The following ADCY8 variants were observed in gnomAD, a reference collection of about 807,000 sequenced individuals.
The protein encoded by ADCY8 is adenylate cyclase type 8.
In ADCY8, 51 loss-of-function variants were observed where a neutral mutation model predicts 119.7. The ratio of observed to expected loss-of-function variants is 0.43; its 90% CI spans 0.34 to 0.54. The LOEUF (loss-of-function observed/expected upper bound fraction) is 0.54, where lower values mean the gene tolerates loss of function less well. ADCY8 is among the 20% of genes least tolerant of loss of function. The pLI, the probability that ADCY8 is intolerant of heterozygous loss-of-function variation, is 0.03. For missense variants in ADCY8, 1,383 were observed against 1,598.8 expected (o/e 0.87, Z 2.30); for synonymous variants, 665 against 651.0 (o/e 1.02, Z -0.33).
chr8:130,930,283 G>A (rs1252148602), intron 5 of ADCY8, among the ~76,000 whole-genome samples: 20 of 148,496 alleles, frequency 1.3e-4, no homozygotes, highest in African/African-American at 3.7e-4. Flanking sequence ...ATGGAGTCTC[G>A]TTCTGTCACC....
At chr8:130,783,154 A>T (rs1284635553) in intron 17 of ADCY8, among the ~76,000 whole-genome samples, 2 of 152,228 alleles carry the variant, frequency 1.3e-5, no homozygotes, top group Non-Finnish European at 2.9e-5. Context: ...GATTGCAGTG[A>T]TTAATGTTAC....
chr8:130,786,042 G>C (rs1025381265), intron 15 of ADCY8, among the ~76,000 whole-genome samples: 1 of 152,194 alleles, frequency 6.6e-6, no homozygotes, highest in African/African-American at 2.4e-5. Context: ...CATCTTTGCA[G>C]TGCAGTCTTC....
chr8:130,954,457 G>T (rs1821364777), intron 2 of ADCY8, among the ~76,000 whole-genome samples: 1 of 152,124 alleles, frequency 6.6e-6, no homozygotes, highest in Non-Finnish European at 1.5e-5. Context: ...ATGTTTTGAA[G>T]GTTCATAAAA....
chr8:130,865,890 A>G (rs1818101745), intron 9 of ADCY8, among the ~76,000 whole-genome samples: 1 of 152,114 alleles, frequency 6.6e-6, no homozygotes, highest in Non-Finnish European at 1.5e-5. Flanking sequence ...CCAGCTCTTC[A>G]TGCCTTTCAA....
intron 7 of ADCY8, among the ~76,000 whole-genome samples, chr8:130,891,402 G>C (rs994033030): frequency 6.6e-6 from 1 of 152,114 alleles, no homozygotes; most frequent in African/African-American, 2.4e-5. Flanking sequence ...ACTTTAAAAA[G>C]AGTCATTTTG....
chr8:130,971,659 C>T (rs1390350572), intron 2 of ADCY8, among the ~76,000 whole-genome samples: 5 of 152,112 alleles, frequency 3.3e-5, no homozygotes, highest in South Asian at 2.1e-4. Flanking sequence ...CAGTGCAAGC[C>T]CAATTAAGGA....
At chr8:131,022,134 A>G (rs1172013653) in intron 1 of ADCY8, among the ~76,000 whole-genome samples, 40 of 151,802 alleles carry the variant, frequency 2.6e-4, no homozygotes, top group Admixed American at 2.6e-3. Context: ...TTTTTTTATT[A>G]TTATTATACT....
At chr8:130,890,190 G>C (rs941910011) in intron 7 of ADCY8, among the ~76,000 whole-genome samples, 2 of 148,246 alleles carry the variant, frequency 1.3e-5, no homozygotes, top group South Asian at 4.4e-4. Context: ...ATCACACACC[G>C]GGGCCTGTTG....
At chr8:130,963,961 C>A (rs1413102696) in intron 2 of ADCY8, among the ~76,000 whole-genome samples, 1 of 152,038 alleles carries the variant, frequency 6.6e-6, no homozygotes, top group Non-Finnish European at 1.5e-5. Context: ...GGCTTTCCAC[C>A]CCAATGTTTT....
At chr8:130,926,413 T>C (rs952275633) in intron 5 of ADCY8, among the ~76,000 whole-genome samples, 6 of 152,222 alleles carry the variant, frequency 3.9e-5, no homozygotes, top group Non-Finnish European at 8.8e-5. Context: ...CTCGTACTTT[T>C]GATTGACTTG....
intron 9 of ADCY8, among the ~76,000 whole-genome samples, chr8:130,861,024 G>A (rs879625358): frequency 1.1e-4 from 16 of 152,160 alleles, no homozygotes; most frequent in South Asian, 4.1e-4. Flanking sequence ...GATTATATTT[G>A]TGTGGGTGTA....
Position 130,990,516 on chromosome 8 carries a change from C to T in ADCY8, c.987G>A (p.Met329Ile), listed in dbSNP as rs934942476. 1.9e-6 allele frequency: 3 copies of T among 1,614,040 alleles called. No homozygotes were observed. Among genetic ancestry groups the T allele is most frequent in the Non-Finnish European group, 2.5e-6 (3 of 1,180,000 alleles). ...TGAAGATTCCAGCTGTGTTCATACACATGAATAGCACTGCCTGGGCCACAA... is the reference window on the plus strand; with the variant it reads ...TGAAGATTCCAGCTGTGTTCATACATATGAATAGCACTGCCTGGGCCACAA... Reference protein sequence around the residue: ...NQVVAQAVLFMCMNTAGIFIS... With the variant: ...NQVVAQAVLFICMNTAGIFIS... The change falls in exon 2 of 18, where the codon ATG becomes ATA. Residue 329 changes from methionine to isoleucine, a missense_variant. By Grantham distance (10) the Met-to-Ile change is conservative. Coordinates refer to ENST00000286355, the MANE Select transcript of ADCY8 (RefSeq NM_001115.3).
chr8:130,932,444 C>T (rs1820659479), intron 5 of ADCY8, among the ~76,000 whole-genome samples: 1 of 152,046 alleles, frequency 6.6e-6, no homozygotes. Context: ...TGTGGCAGGC[C>T]CAGTGTTGGG....
chr8:130,822,535 A>AATCCATCCATCC (rs145398330), intron 12 of ADCY8, among the ~76,000 whole-genome samples: 8 of 139,760 alleles, frequency 5.7e-5, no homozygotes, highest in East Asian at 2.2e-4. Context: ...TGAATCCATG[A>AATCCATCCATCC]ATCCATCCAT....
chr8:130,998,522 G>A (rs1396271792), intron 1 of ADCY8, among the ~76,000 whole-genome samples: 2 of 152,132 alleles, frequency 1.3e-5, no homozygotes, highest in African/African-American at 2.4e-5. Flanking sequence ...ACCATGGAGG[G>A]TCTTGAAGCT....
At chr8:130,954,284 T>C (rs1356496853) in intron 2 of ADCY8, among the ~76,000 whole-genome samples, 1 of 152,150 alleles carries the variant, frequency 6.6e-6, no homozygotes, top group African/African-American at 2.4e-5. Context: ...ATGCAGCACA[T>C]ATAATGATCC....
chr8:131,032,867 G>A (rs1050866030), intron 1 of ADCY8, among the ~76,000 whole-genome samples: 1 of 152,086 alleles, frequency 6.6e-6, no homozygotes, highest in Admixed American at 6.6e-5. Context: ...AGCATTCCTC[G>A]ACTAAGTCCC....
Position 130,821,395 on chromosome 8 carries a change from A to T in ADCY8, c.2701T>A (p.Ser901Thr), listed in dbSNP as rs753297735. 1 of 1,613,436 alleles carries T rather than the reference A, an allele frequency of 6.2e-7. No individual in the cohort carries two copies. ...AGGAACATGGCCATCAGTAGCAGTG[A>T]TACCTCCTTGGTCCCCAGGAAATCT... The part of the protein sequence containing the change: ...GEDFLGTKEV[S>T]LLLMAMFLLA... The change falls in exon 13 of 18, where the codon TCA (serine) becomes ACA (threonine). Residue 901 changes from serine (S) to threonine (T), a missense_variant. Physicochemically the swap from Ser to Thr is moderately conservative, Grantham distance 58. Around this residue, in one of 2 missense-constraint regions of ADCY8, gnomAD observed 928 missense variants for 1,163.5 expected, o/e 0.80. Coordinates refer to ENST00000286355, the MANE Select transcript of ADCY8 (RefSeq NM_001115.3).
intron 8 of ADCY8, among the ~76,000 whole-genome samples, chr8:130,878,931 A>G (rs1818664126): frequency 1.3e-5 from 2 of 152,344 alleles, no homozygotes; most frequent in South Asian, 4.1e-4. Flanking sequence ...AGTATATATT[A>G]AACATGTCTT....
Sources: gnomAD v4.1 joint callset for allele counts (sites outside exome capture counted in the v4.1 genomes callset) on GRCh38, gnomAD v4.1.1 for gene constraint, gnomAD v4.1.1 regional missense constraint, MANE v1.5 for transcripts, NCBI Gene and HGNC (gene_info 2026-07-23, HGNC 2026-07-21) for gene names.